Variants in SFSWAP observed in about 807,000 individuals in gnomAD.
SFSWAP encodes the protein splicing factor, suppressor of white-apricot homolog.
Under a neutral mutation model 100.7 loss-of-function variants are expected in SFSWAP, and 17 were observed. That is an observed-to-expected ratio of 0.17 (90% CI 0.12 to 0.25). SFSWAP has a LOEUF of 0.25. Among genes scored for constraint, SFSWAP ranks in the 10% least tolerant of loss-of-function variants. SFSWAP has a pLI of 1.00. For missense variants in SFSWAP, 1,005 were observed against 1,262.6 expected (o/e 0.80, Z 3.09); for synonymous variants, 504 against 510.1 (o/e 0.99, Z 0.16).
At chr12:131,722,405 G>C (rs1486998247) in intron 4 of SFSWAP, among the ~76,000 whole-genome samples, 1 of 151,430 alleles carries the variant, frequency 6.6e-6, no homozygotes, top group African/African-American at 2.4e-5. Flanking sequence ...CTACAAACAA[G>C]TAAAAATAAT....
Position 131,786,455 on chromosome 12 carries a change from C to G in SFSWAP, c.2409-8C>G, listed in dbSNP as rs764803326. 6.3e-7 allele frequency: 1 copy of G among 1,584,782 alleles called. No homozygotes were observed. The highest frequency in any genetic ancestry group is 1.8e-5 in the Admixed American group (1 of 56,110). ...ACAGAGCTGAACACTGCCTCCTCCCCTGTCCAGGTCCCGCTCCCGGTCCCC... is the reference window on the plus strand; with the variant it reads ...ACAGAGCTGAACACTGCCTCCTCCCGTGTCCAGGTCCCGCTCCCGGTCCCC... On this transcript the variant is annotated splice_region_variant and splice_polypyrimidine_tract_variant and intron_variant, in intron 14 of 17. Coordinates refer to ENST00000261674, the MANE Select transcript of SFSWAP (RefSeq NM_004592.4).
rs559268552 is a variant in SFSWAP, at chr12:131,789,772, C to T, written c.2534+3184C>T. 1.2e-4 allele frequency among the ~76,000 whole-genome samples: 19 copies of T among 152,258 alleles called. No homozygotes were observed. In the South Asian group the frequency reaches 2.7e-3, roughly 22 times the overall value. On this transcript the variant is annotated intron_variant, in intron 15 of 17. Coordinates refer to ENST00000261674, the MANE Select transcript of SFSWAP (RefSeq NM_004592.4). ...GTTGGGCTTCGTCTTGCTGTGTCCCCGTGGCTGGGTTCAGGGCAAATGTTT... is the reference window on the plus strand; with the variant it reads ...GTTGGGCTTCGTCTTGCTGTGTCCCTGTGGCTGGGTTCAGGGCAAATGTTT...
At chr12:131,758,852 A>G (rs1566034283) in intron 11 of SFSWAP, among the ~76,000 whole-genome samples, 1 of 152,150 alleles carries the variant, frequency 6.6e-6, no homozygotes, top group Non-Finnish European at 1.5e-5. Context: ...AGAGGCTGTG[A>G]AGTGGGAGGA....
Position 131,766,167 on chromosome 12 carries a change from G to C in SFSWAP, c.2001G>C (p.Leu667=), listed in dbSNP as rs1051233. ...TCGCAGCTGCTGCCCGGGAAAAGCTGGCCCAGGCGTCTAAGGAGTCAAAAG... is the reference window on the plus strand; with the variant it reads ...TCGCAGCTGCTGCCCGGGAAAAGCTCGCCCAGGCGTCTAAGGAGTCAAAAG... The part of the protein sequence containing the change: ...DRLAAAAREK[L]AQASKESKEK... Residue 667 remains leucine, a synonymous_variant, in exon 13 of 18, where the codon CTG becomes CTC. Transcript: ENST00000261674. The C allele has an allele frequency of 0.23, 374,104 of 1,613,676 alleles. 47,557 individuals are homozygous for C. The highest frequency in any genetic ancestry group is 0.26 in the Non-Finnish European group (310,419 of 1,179,754).
intron 11 of SFSWAP, 103 bp downstream of exon 11, chr12:131,756,747 G>A: frequency 8.9e-7 from 1 of 1,120,164 alleles, no homozygotes; most frequent in African/African-American, 1.6e-5. Context: ...GCAGGCTGGG[G>A]TGGGGTTGGC....
chr12:131,783,341 TAA>T (rs1884636973), intron 14 of SFSWAP: 1 of 152,244 alleles, frequency 6.6e-6, no homozygotes, highest in Admixed American at 6.5e-5. Flanking sequence ...AGCTTGAAAC[TAA>T]GTTTATTTTT....
intron 3 of SFSWAP, among the ~76,000 whole-genome samples, chr12:131,718,365 C>G (rs1878131830): frequency 6.6e-6 from 1 of 152,116 alleles, no homozygotes; most frequent in Non-Finnish European, 1.5e-5. Flanking sequence ...CTCAATAGAT[C>G]ATTGAAATCC....
At chr12:131,753,861 C>T (rs1026015004) in intron 8 of SFSWAP, among the ~76,000 whole-genome samples, 7 of 152,152 alleles carry the variant, frequency 4.6e-5, no homozygotes, top group Admixed American at 6.5e-5. Flanking sequence ...GCGAGGGCCC[C>T]CAGTGTTCAG....
At chr12:131,760,622 A>T (rs953351877) in intron 11 of SFSWAP, among the ~76,000 whole-genome samples, 1 of 152,222 alleles carries the variant, frequency 6.6e-6, no homozygotes, top group Non-Finnish European at 1.5e-5. Context: ...CAAGATGTCT[A>T]TACATGGATG....
chr12:131,772,394 A>G (rs1444213679), intron 13 of SFSWAP, among the ~76,000 whole-genome samples: 2 of 152,244 alleles, frequency 1.3e-5, no homozygotes. Context: ...GCAGCACTCT[A>G]AATTTTTCAA....
intron 9 of SFSWAP, 128 bp downstream of exon 9, chr12:131,754,627 CTTTTTT>C (rs869226840): frequency 1.5e-4 from 12 of 79,922 alleles, no homozygotes; most frequent in South Asian, 7.8e-4. Flanking sequence ...GCTCAAATGT[CTTTTTT>C]TTTTTTTTTT....
At chr12:131,786,425 AG>A (rs771837716) in intron 14 of SFSWAP, 37 bp from the exon 15 acceptor site, 1 of 1,561,738 alleles carries the variant, frequency 6.4e-7, no homozygotes, top group African/African-American at 1.3e-5. Flanking sequence ...CCCGCCAGCC[AG>A]GCCACAGAGC....
chr12:131,729,614 G>C lies in SFSWAP; in HGVS notation c.1081+1186G>C, dbSNP rs574021766. On this transcript the variant is annotated intron_variant, in intron 7 of 17. Transcript: ENST00000261674. Reference sequence around the variant, plus strand: ...CTTTTATGGTATTCATTAAAGGTAAGTCTTGAAGGTCCATGCAGGAGATCA... The same window carrying C: ...CTTTTATGGTATTCATTAAAGGTAACTCTTGAAGGTCCATGCAGGAGATCA... 3.5e-4 allele frequency among the ~76,000 whole-genome samples: 54 copies of C among 152,350 alleles called. 1 individual carries two copies. The South Asian group carries it at 0.011, about 30-fold the overall frequency.
At chr12:131,722,516 G>T (rs1360782458) in intron 4 of SFSWAP, among the ~76,000 whole-genome samples, 1 of 152,218 alleles carries the variant, frequency 6.6e-6, no homozygotes. Flanking sequence ...AGTGGGGAAG[G>T]ATTCGATAGT....
chr12:131,741,819 T>C (rs1272643183), intron 7 of SFSWAP, among the ~76,000 whole-genome samples: 1 of 152,194 alleles, frequency 6.6e-6, no homozygotes, highest in Non-Finnish European at 1.5e-5. Flanking sequence ...CTCAGAGAGC[T>C]CAAAGGTTCC....
chr12:131,797,404 G>A, intron 16 of SFSWAP, 44 bp downstream of exon 16: 1 of 1,544,382 alleles, frequency 6.5e-7, no homozygotes, highest in Non-Finnish European at 8.8e-7. Context: ...AAAGGCAAGG[G>A]GCGGCCAGCA....
At chr12:131,732,246 A>G (rs954811150) in intron 7 of SFSWAP, among the ~76,000 whole-genome samples, 1 of 152,196 alleles carries the variant, frequency 6.6e-6, no homozygotes, top group Non-Finnish European at 1.5e-5. Context: ...GTAAAATACA[A>G]AGTTCATAGA....
At chr12:131,771,045 G>A (rs573984529) in intron 13 of SFSWAP, among the ~76,000 whole-genome samples, 7 of 152,308 alleles carry the variant, frequency 4.6e-5, no homozygotes, top group South Asian at 4.1e-4. Flanking sequence ...AATGGTGCTC[G>A]GTCGTGTGCA....
intron 13 of SFSWAP, among the ~76,000 whole-genome samples, chr12:131,771,846 A>G (rs953415911): frequency 1.4e-4 from 21 of 151,982 alleles, no homozygotes; most frequent in African/African-American, 4.6e-4. Flanking sequence ...TATTTTTAGT[A>G]GAGACAGGGT....
Sources: allele counts gnomAD v4.1 joint callset (sites outside exome capture counted in the v4.1 genomes callset), GRCh38; gene constraint gnomAD v4.1.1; transcripts MANE v1.5; gene names NCBI Gene and HGNC (gene_info 2026-07-23, HGNC 2026-07-21).